CNTNAP2: variants seen among roughly 807,000 people sequenced by gnomAD.
CNTNAP2 encodes the protein contactin-associated protein-like 2.
A neutral mutation model predicts 155.2 loss-of-function variants in CNTNAP2; 98 were observed. The observed-to-expected ratio is 0.63, with a 90% CI of 0.54 to 0.75. The LOEUF (loss-of-function observed/expected upper bound fraction) is 0.75. CNTNAP2 is among the 30% of genes least tolerant of loss of function. The pLI is 0.00. For missense variants in CNTNAP2, 1,727 were observed against 1,688.1 expected, an observed-to-expected ratio of 1.02 and a Z score of -0.40; for synonymous variants, 651 against 631.2, an observed-to-expected ratio of 1.03 and a Z score of -0.47.
intron 15 of CNTNAP2, among the ~76,000 whole-genome samples, chr7:148,014,778 T>G (rs1802146071): frequency 1.3e-5 from 2 of 152,224 alleles, no homozygotes; most frequent in African/African-American, 4.8e-5. Context: ...AGAAAAGCTC[T>G]GGGTTAAAGG....
At chr7:146,359,088 A>G (rs143433354) in intron 1 of CNTNAP2, among the ~76,000 whole-genome samples, 168 of 152,374 alleles carry the variant, frequency 1.1e-3, no homozygotes, top group African/African-American at 3.8e-3. Context: ...TTTTGATTAT[A>G]CTACATGAGA....
intron 14 of CNTNAP2, among the ~76,000 whole-genome samples, chr7:147,906,352 G>C (rs1585021550): frequency 6.6e-6 from 1 of 151,942 alleles, no homozygotes; most frequent in Admixed American, 6.6e-5. Flanking sequence ...TGTATTTTTA[G>C]TACAGACGGG....
At chr7:147,006,388 CT>C (rs1174257533) in intron 3 of CNTNAP2, among the ~76,000 whole-genome samples, 3 of 151,932 alleles carry the variant, frequency 2.0e-5, no homozygotes, top group African/African-American at 4.8e-5. Flanking sequence ...TAGAAATCTC[CT>C]TTATACATGT....
At chr7:147,474,086 A>T (rs1485995570) in intron 10 of CNTNAP2, among the ~76,000 whole-genome samples, 2 of 148,298 alleles carry the variant, frequency 1.3e-5, no homozygotes, top group Non-Finnish European at 3.0e-5. Context: ...TCTCTAAAAA[A>T]AAATAAATAA....
intron 4 of CNTNAP2, among the ~76,000 whole-genome samples, chr7:147,057,741 T>C (rs112562545): frequency 2.6e-4 from 40 of 152,300 alleles, no homozygotes; most frequent in African/African-American, 6.7e-4. Context: ...AATCAGTTCA[T>C]TGTGTTCCTA....
intron 14 of CNTNAP2, among the ~76,000 whole-genome samples, chr7:147,948,514 AG>A (rs1171095865): frequency 2.4e-5 from 3 of 124,980 alleles, no homozygotes; most frequent in Non-Finnish European, 5.4e-5. Context: ...TAGCCATTCC[AG>A]GAAAAAAAAA....
At chr7:147,803,706 C>G (rs1798043460) in intron 13 of CNTNAP2, among the ~76,000 whole-genome samples, 1 of 152,182 alleles carries the variant, frequency 6.6e-6, no homozygotes, top group Non-Finnish European at 1.5e-5. Context: ...ACTTCTTGGC[C>G]TGCTTTGAGA....
intron 9 of CNTNAP2, among the ~76,000 whole-genome samples, chr7:147,388,144 T>C (rs1796653189): frequency 2.0e-5 from 3 of 152,230 alleles, no homozygotes; most frequent in Admixed American, 1.3e-4. Flanking sequence ...TCAAAATCTC[T>C]TTTTGATACT....
chr7:146,145,502 G>A lies in CNTNAP2; in HGVS notation c.97+28529G>A, dbSNP rs189515098. Among the ~76,000 whole-genome samples the A allele has an allele frequency of 1.8e-4, 27 of 152,308 alleles. 1 individual carries two copies. The highest frequency in any genetic ancestry group is 6.3e-4 in the African/African-American group (26 of 41,568). ...TTCGGGAAAGGTATTATTTAGAAAAGTACCAAAGTCTTTTTGTGTCCTTGA... is the reference window on the plus strand; with the variant it reads ...TTCGGGAAAGGTATTATTTAGAAAAATACCAAAGTCTTTTTGTGTCCTTGA... On this transcript the variant is annotated intron_variant, in intron 1 of 23. Transcript: ENST00000361727.
rs558640579 is a variant in CNTNAP2, at chr7:146,118,477, C to A, written c.97+1504C>A. On this transcript the variant is annotated intron_variant, in intron 1 of 23. Transcript: ENST00000361727. ...ACTAGTTTGATGAAATTTCTGTTTC[C>A]ATTTCAAGGTCTGGTTGTATAGAAT... 7.9e-5 allele frequency among the ~76,000 whole-genome samples: 12 copies of A among 152,096 alleles called. No homozygotes were observed. The East Asian group carries it at 1.9e-3, about 24-fold the overall frequency.
intron 11 of CNTNAP2, among the ~76,000 whole-genome samples, chr7:147,534,959 A>C (rs1221994891): frequency 2.0e-5 from 3 of 152,162 alleles, no homozygotes; most frequent in African/African-American, 4.8e-5. Flanking sequence ...CAGTGGGCGC[A>C]AGGAAGCTGG....
At chr7:147,051,886 A>G (rs1027639466) in intron 4 of CNTNAP2, among the ~76,000 whole-genome samples, 2 of 152,130 alleles carry the variant, frequency 1.3e-5, no homozygotes, top group South Asian at 2.1e-4. Flanking sequence ...CATTGCCTAT[A>G]AAGTCCAAGC....
Position 147,944,825 on chromosome 7 carries a change from G to T in CNTNAP2, c.2256-33037G>T, listed in dbSNP as rs192398729. Reference sequence around the variant, plus strand: ...TTTCCTCCTTTCTCTCCCCAATGTTGGCTGAGTTATGTTTATACCTCACTT... The same window carrying T: ...TTTCCTCCTTTCTCTCCCCAATGTTTGCTGAGTTATGTTTATACCTCACTT... On this transcript the variant is annotated intron_variant, in intron 14 of 23. Transcript: ENST00000361727. Among the ~76,000 whole-genome samples, 291 of 152,136 alleles carry T rather than the reference G, an allele frequency of 1.9e-3. 4 individuals are homozygous for T. The highest frequency in any genetic ancestry group is 6.8e-3 in the African/African-American group (284 of 41,492).
At chr7:146,677,940 C>G (rs1404455962) in intron 1 of CNTNAP2, among the ~76,000 whole-genome samples, 1 of 152,028 alleles carries the variant, frequency 6.6e-6, no homozygotes, top group African/African-American at 2.4e-5. Context: ...GCTCATATCT[C>G]TCTGGGCCTG....
intron 14 of CNTNAP2, among the ~76,000 whole-genome samples, chr7:147,955,741 A>G (rs1368559382): frequency 1.3e-5 from 2 of 152,210 alleles, no homozygotes; most frequent in Non-Finnish European, 2.9e-5. Flanking sequence ...TTGTAGGTCA[A>G]GGTATCCCTG....
intron 2 of CNTNAP2, among the ~76,000 whole-genome samples, chr7:146,788,906 A>G (rs908813790): frequency 5.3e-5 from 8 of 151,934 alleles, no homozygotes; most frequent in African/African-American, 1.7e-4. Context: ...TTGTAGACTT[A>G]TTTTTCTGAC....
At chr7:147,711,401 T>C (rs1543265) in intron 13 of CNTNAP2, among the ~76,000 whole-genome samples, 90,220 of 151,998 alleles carry the variant, frequency 0.59, 27,653 homozygotes, top group East Asian at 0.84. Context: ...GGATCTAAAA[T>C]TGGACTCTGC....
chr7:148,075,339 A>G (rs767891373), intron 15 of CNTNAP2, among the ~76,000 whole-genome samples: 1 of 152,124 alleles, frequency 6.6e-6, no homozygotes, highest in Admixed American at 6.5e-5. Context: ...CAGATGGCTG[A>G]GGCAAGAGAA....
chr7:148,179,077 A>C (rs1376021697), intron 18 of CNTNAP2, among the ~76,000 whole-genome samples: 2 of 152,214 alleles, frequency 1.3e-5, no homozygotes, highest in African/African-American at 2.4e-5. Flanking sequence ...TGCAACTGGA[A>C]ACCACACCCA....
Sources: allele counts gnomAD v4.1 joint callset (sites outside exome capture counted in the v4.1 genomes callset), GRCh38; gene constraint gnomAD v4.1.1; transcripts MANE v1.5; gene names NCBI Gene and HGNC (gene_info 2026-07-23, HGNC 2026-07-21).